RBFOX1: variants seen among roughly 807,000 people sequenced by gnomAD.
RBFOX1 encodes RNA binding fox-1 homolog 1, also known as RNA binding protein fox-1 homolog 1.
RBFOX1 carries 8 observed loss-of-function variants against 57.7 expected under a neutral mutation model. The observed-to-expected ratio is 0.14, with a 90% CI of 0.08 to 0.25. RBFOX1 has a LOEUF of 0.25. Among genes scored for constraint, RBFOX1 ranks in the 10% least tolerant of loss-of-function variants. RBFOX1 has a pLI of 1.00. For missense variants in RBFOX1, 611 were observed against 548.5 expected, an observed-to-expected ratio of 1.11 and a Z score of -1.14; for synonymous variants, 326 against 222.4, an observed-to-expected ratio of 1.47 and a Z score of -4.15.
intron 3 of RBFOX1, among the ~76,000 whole-genome samples, chr16:6,876,307 A>G (rs1439180699): frequency 6.6e-6 from 1 of 152,232 alleles, no homozygotes; most frequent in Non-Finnish European, 1.5e-5. Context: ...CCTGGTCAGC[A>G]TATTCAATGG....
chr16:7,348,494 C>T lies in RBFOX1; in HGVS notation c.28-169653C>T, dbSNP rs527637730. Among the ~76,000 whole-genome samples the T allele has an allele frequency of 2.6e-5, 4 of 152,286 alleles. No homozygotes were observed. The South Asian group carries it at 8.3e-4, about 32-fold the overall frequency. ...TATTCCGTGTCCTTTCCACATGCCC[C>T]TTTGCTCTTATCCCTCTCCTTCAGC... On this transcript the variant is annotated intron_variant, in intron 4 of 15. Transcript: ENST00000550418.
At chr16:6,850,777 A>T (rs1302476107) in intron 3 of RBFOX1, among the ~76,000 whole-genome samples, 3 of 152,212 alleles carry the variant, frequency 2.0e-5, no homozygotes, top group Non-Finnish European at 4.4e-5. Context: ...TGCTGGTGGG[A>T]ATGTCAAATG....
intron 3 of RBFOX1, among the ~76,000 whole-genome samples, chr16:6,904,256 CTGT>C (rs139416501): frequency 0.013 from 1,983 of 152,242 alleles, 49 homozygotes; most frequent in African/African-American, 0.046. Context: ...GCAGGGACTT[CTGT>C]TGTTGAACCT....
chr16:5,711,570 A>C (rs1489834990), intron 3 of RBFOX1, among the ~76,000 whole-genome samples: 3 of 152,204 alleles, frequency 2.0e-5, no homozygotes, highest in Non-Finnish European at 2.9e-5. Context: ...GGAACAGTGC[A>C]GGCAAAGGCC....
At position 7,098,784 on chromosome 16, in the gene RBFOX1, T is replaced by A. The variant is rs373531924; in HGVS notation, c.27+46686T>A. 3.3e-5 allele frequency among the ~76,000 whole-genome samples: 5 copies of A among 152,296 alleles called. No homozygotes were observed. In the East Asian group the frequency reaches 7.7e-4, roughly 24 times the overall value. On this transcript the variant is annotated intron_variant, in intron 4 of 15. Coordinates refer to ENST00000550418, the MANE Select transcript of RBFOX1 (RefSeq NM_018723.4). ...GGGCAACATAGTGAGACCCTGTGTC[T>A]ATCTTTAAAATAAATAAATAAATAA...
intron 1 of RBFOX1, among the ~76,000 whole-genome samples, chr16:5,438,926 A>G (rs2151533296): frequency 6.6e-6 from 1 of 151,346 alleles, no homozygotes; most frequent in East Asian, 2.0e-4. Context: ...CTAATGTTCT[A>G]GTAGTTGTGT....
intron 1 of RBFOX1, chr16:6,059,316 A>C (rs550592912): frequency 2.0e-5 from 3 of 152,220 alleles, no homozygotes; most frequent in Non-Finnish European, 4.4e-5. Flanking sequence ...AACCTGGAGA[A>C]CTGAACAGGA....
chr16:5,329,186 C>T (rs917954374), intron 1 of RBFOX1, among the ~76,000 whole-genome samples: 2 of 152,164 alleles, frequency 1.3e-5, no homozygotes, highest in Non-Finnish European at 2.9e-5. Context: ...TTAGTTTGTT[C>T]TTGCACTGCT....
chr16:5,657,307 A>G (rs2049462031), intron 3 of RBFOX1, among the ~76,000 whole-genome samples: 1 of 152,196 alleles, frequency 6.6e-6, no homozygotes, highest in South Asian at 2.1e-4. Context: ...ATGTATAAAC[A>G]ATTTATTGTA....
At chr16:6,357,995 G>A (rs1463856516) in intron 2 of RBFOX1, among the ~76,000 whole-genome samples, 1 of 151,556 alleles carries the variant, frequency 6.6e-6, no homozygotes, top group African/African-American at 2.4e-5. Context: ...AATGGGGCCA[G>A]AGACCTTTGG....
intron 4 of RBFOX1, among the ~76,000 whole-genome samples, chr16:7,277,672 C>G (rs373820883): frequency 5.8e-4 from 88 of 152,214 alleles, no homozygotes; most frequent in African/African-American, 2.1e-3. Flanking sequence ...TGAGAGAAGT[C>G]TACCAGGGCG....
In RBFOX1 at chr16:5,808,084, G is replaced by A. The variant is rs142047486; in HGVS notation, c.319-59219G>A. Among the ~76,000 whole-genome samples the A allele has an allele frequency of 5.5e-4, 83 of 152,262 alleles. 1 individual carries two copies. Among genetic ancestry groups the A allele is most frequent in the African/African-American group, 1.8e-3 (76 of 41,556 alleles). The stretch of plus-strand genomic sequence containing the variant: ...TTTTGTCCCCAGTCCCATTTCAAAC[G>A]CTGAAGTCCTAGCTCCTGGTATATC... On this transcript the variant is annotated intron_variant, in intron 3 of 19. Coordinates refer to the RBFOX1 transcript ENST00000641259.
chr16:7,709,537 T>C, intron 15 of RBFOX1: 1 of 1,533,562 alleles, frequency 6.5e-7, no homozygotes, highest in Non-Finnish European at 8.7e-7. Flanking sequence ...GGAGCTAAGC[T>C]GCACACTTCC....
At chr16:7,292,186 G>C (rs9933987) in intron 4 of RBFOX1, among the ~76,000 whole-genome samples, 44 of 116,440 alleles carry the variant, frequency 3.8e-4, no homozygotes, top group South Asian at 1.9e-3. Context: ...TATCATATAT[G>C]ATATAGAACG....
In RBFOX1 at chr16:6,301,078, GA is replaced by G. The variant is rs917803691; in HGVS notation, c.-126-15908del. Among the ~76,000 whole-genome samples, 31 of 150,718 alleles carry G rather than the reference GA, an allele frequency of 2.1e-4. 1 individual carries two copies. Among genetic ancestry groups the G allele is most frequent in the Non-Finnish European group, 3.5e-4 (24 of 67,644 alleles). ...CATTTATTTCCTATGAGTTGTCATT[GA>G]AAAAAAAATCCTTGAGGATCAGAAA... On this transcript the variant is annotated intron_variant, in intron 1 of 15. Transcript: ENST00000550418.
intron 5 of RBFOX1, among the ~76,000 whole-genome samples, chr16:7,533,160 C>A (rs902852237): frequency 7.2e-5 from 11 of 152,172 alleles, no homozygotes; most frequent in Non-Finnish European, 1.6e-4. Flanking sequence ...TCCTCATAGG[C>A]ACTTGAGTAT....
chr16:7,089,771 A>G (rs913177971), intron 4 of RBFOX1, among the ~76,000 whole-genome samples: 3 of 152,022 alleles, frequency 2.0e-5, no homozygotes, highest in African/African-American at 7.2e-5. Flanking sequence ...CTCAATTTCT[A>G]TTTTCTTCTC....
At chr16:6,127,574 T>C (rs1386090) in intron 1 of RBFOX1, among the ~76,000 whole-genome samples, 43,686 of 152,014 alleles carry the variant, frequency 0.29, 9,823 homozygotes, top group African/African-American at 0.61. Context: ...TGGTGGTAAG[T>C]CTCTAAAGAA....
At chr16:7,124,070 A>G (rs2067826570) in intron 4 of RBFOX1, among the ~76,000 whole-genome samples, 1 of 152,216 alleles carries the variant, frequency 6.6e-6, no homozygotes, top group African/African-American at 2.4e-5. Context: ...CATATATTAC[A>G]TGACCCTCCC....
Sources: gnomAD v4.1 joint callset for allele counts (sites outside exome capture counted in the v4.1 genomes callset) on GRCh38, gnomAD v4.1.1 for gene constraint, MANE v1.5 for transcripts, NCBI Gene and HGNC (gene_info 2026-07-23, HGNC 2026-07-21) for gene names.